Variants in KSR2 observed in about 807,000 individuals in gnomAD.
KSR2 encodes kinase suppressor of ras 2.
KSR2 carries 25 observed loss-of-function variants against 107.8 expected under a neutral mutation model. The ratio of observed to expected loss-of-function variants is 0.23; its 90% CI spans 0.17 to 0.32. KSR2 has a LOEUF of 0.32. Among genes scored for constraint, KSR2 ranks in the 10% least tolerant of loss-of-function variants. KSR2 has a pLI of 1.00. For synonymous variants in KSR2, 480 were observed against 507.0 expected, an observed-to-expected ratio of 0.95 and a Z score of 0.71; for missense variants, 887 against 1,268.9, an observed-to-expected ratio of 0.70 and a Z score of 4.57.
chr12:117,585,553 C>A (rs937710222), intron 5 of KSR2, among the ~76,000 whole-genome samples: 13 of 152,176 alleles, frequency 8.5e-5, no homozygotes, highest in Non-Finnish European at 1.6e-4. Context: ...AAGATTTGAA[C>A]TTTGAGATCC....
intron 4 of KSR2, among the ~76,000 whole-genome samples, chr12:117,713,676 G>A (rs1423264329): frequency 6.6e-6 from 1 of 152,182 alleles, no homozygotes. Flanking sequence ...GGACAGAACA[G>A]GACAGGAAAG....
chr12:117,715,354 G>A (rs569466940), intron 4 of KSR2, among the ~76,000 whole-genome samples: 1 of 152,292 alleles, frequency 6.6e-6, no homozygotes, highest in South Asian at 2.1e-4. Context: ...CAACATTCAG[G>A]AATAATTGAG....
chr12:117,467,448 A>G (rs1871205053), intron 19 of KSR2, among the ~76,000 whole-genome samples: 1 of 152,270 alleles, frequency 6.6e-6, no homozygotes, highest in Admixed American at 6.5e-5. Flanking sequence ...ATATTTTCAA[A>G]GATGAAAATA....
At chr12:117,924,090 C>T (rs1895428237) in intron 1 of KSR2, among the ~76,000 whole-genome samples, 1 of 151,152 alleles carries the variant, frequency 6.6e-6, no homozygotes, top group African/African-American at 2.4e-5. Context: ...GTTGGTCAGG[C>T]TGGTCTCGAA....
intron 3 of KSR2, among the ~76,000 whole-genome samples, chr12:117,765,217 T>G (rs1889184062): frequency 6.6e-6 from 1 of 152,258 alleles, no homozygotes. Flanking sequence ...CGTTGTCAAG[T>G]TAGCCTAAGT....
At chr12:117,578,265 T>G (rs1359950092) in intron 7 of KSR2, among the ~76,000 whole-genome samples, 1 of 151,886 alleles carries the variant, frequency 6.6e-6, no homozygotes, top group Admixed American at 6.6e-5. Context: ...CAAGGCTGGT[T>G]TAAAAAGGTA....
chr12:117,879,321 T>C (rs1425604330), intron 1 of KSR2, among the ~76,000 whole-genome samples: 1 of 152,230 alleles, frequency 6.6e-6, no homozygotes, highest in African/African-American at 2.4e-5. Flanking sequence ...TAATTTGAAA[T>C]GTGTAACTGA....
intron 4 of KSR2, among the ~76,000 whole-genome samples, chr12:117,668,454 C>T (rs1354105231): frequency 6.6e-6 from 1 of 152,168 alleles, no homozygotes; most frequent in South Asian, 2.1e-4. Flanking sequence ...TGCCAGAGAT[C>T]AGAAGAGTGA....
chr12:117,866,528 T>TA (rs1893475410), intron 1 of KSR2, among the ~76,000 whole-genome samples: 1 of 152,234 alleles, frequency 6.6e-6, no homozygotes, highest in African/African-American at 2.4e-5. Context: ...TACATGTATG[T>TA]TAAAAAATTG....
At chr12:117,963,441 A>G (rs114884458) in intron 1 of KSR2, among the ~76,000 whole-genome samples, 1,980 of 152,148 alleles carry the variant, frequency 0.013, 41 homozygotes, top group African/African-American at 0.046. Flanking sequence ...CTCTATTTAA[A>G]AAATACAAAA....
intron 1 of KSR2, among the ~76,000 whole-genome samples, chr12:117,908,810 G>A (rs143708394): frequency 2.6e-5 from 4 of 152,242 alleles, no homozygotes; most frequent in South Asian, 2.1e-4. Flanking sequence ...AGTTTCCACC[G>A]TGAGTCGCAG....
chr12:117,957,582 G>A (rs1896550704), intron 1 of KSR2, among the ~76,000 whole-genome samples: 1 of 152,098 alleles, frequency 6.6e-6, no homozygotes, highest in African/African-American at 2.4e-5. Flanking sequence ...CCACATGGGT[G>A]GAAGCCCAGG....
intron 5 of KSR2, among the ~76,000 whole-genome samples, chr12:117,586,852 G>A (rs754287499): frequency 6.6e-6 from 1 of 152,142 alleles, no homozygotes; most frequent in Non-Finnish European, 1.5e-5. Flanking sequence ...CAAGGTAAAT[G>A]CAAGTAAATG....
rs1565914111 is a variant in KSR2 at position 117,587,523 on chromosome 12, C to T, written c.1172-5164G>A. On this transcript the variant is annotated intron_variant, in intron 5 of 19. Transcript: ENST00000339824. ...ACCCTGATCTTAATCCCATTGGCAT[C>T]CATTTCGGACTTCTGACCTCCAGAA... Among the ~76,000 whole-genome samples the T allele has an allele frequency of 2.0e-5, 3 of 152,288 alleles. No homozygotes were observed. In the South Asian group the frequency reaches 6.2e-4, roughly 32 times the overall value.
At chr12:117,546,866 T>C (rs1482692579) in intron 9 of KSR2, among the ~76,000 whole-genome samples, 1 of 152,264 alleles carries the variant, frequency 6.6e-6, no homozygotes, top group Non-Finnish European at 1.5e-5. Flanking sequence ...TTCTGTTTCT[T>C]TTCAGGGACT....
At chr12:117,858,794 TCA>T (rs1893185078) in intron 2 of KSR2, among the ~76,000 whole-genome samples, 1 of 152,224 alleles carries the variant, frequency 6.6e-6, no homozygotes, top group Non-Finnish European at 1.5e-5. Context: ...GCTCTGAGCC[TCA>T]GTTTCCCACT....
chr12:117,615,994 A>C (rs1028992800), intron 5 of KSR2, among the ~76,000 whole-genome samples: 7 of 152,046 alleles, frequency 4.6e-5, no homozygotes. Flanking sequence ...CACTACAAAA[A>C]AACACAAAAC....
chr12:117,681,818 CA>C (rs1234212217), intron 4 of KSR2, among the ~76,000 whole-genome samples: 1 of 152,148 alleles, frequency 6.6e-6, no homozygotes, highest in African/African-American at 2.4e-5. Context: ...ACACTACTGG[CA>C]GGAATGCAAA....
intron 4 of KSR2, among the ~76,000 whole-genome samples, chr12:117,677,861 CA>C (rs762818256): frequency 2.0e-5 from 3 of 152,136 alleles, no homozygotes; most frequent in Non-Finnish European, 4.4e-5. Flanking sequence ...GATGAATGTA[CA>C]AGTGAATATT....
Sources: gnomAD v4.1 joint callset for allele counts (sites outside exome capture counted in the v4.1 genomes callset) on GRCh38, gnomAD v4.1.1 for gene constraint, MANE v1.5 for transcripts, NCBI Gene and HGNC (gene_info 2026-07-23, HGNC 2026-07-21) for gene names.